LAMC3: variants seen among roughly 807,000 people sequenced by gnomAD.
LAMC3 encodes the protein laminin subunit gamma 3.
In LAMC3, 128 loss-of-function variants were observed where a neutral mutation model predicts 173.8. That is an observed-to-expected ratio of 0.74 (90% confidence interval 0.64 to 0.85). The LOEUF is 0.85. Ranked by LOEUF, LAMC3 falls within the 40% of genes least tolerant of loss-of-function variation. LAMC3 has a pLI of 0.00. For synonymous variants in LAMC3, 897 were observed against 909.1 expected, an observed-to-expected ratio of 0.99 and a Z score of 0.24; for missense variants, 2,022 against 2,156.0, an observed-to-expected ratio of 0.94 and a Z score of 1.23.
intron 15 of LAMC3, 44 bp from the exon 16 acceptor site, chr9:131,068,864 T>C (rs777110377): frequency 6.2e-7 from 1 of 1,611,072 alleles, no homozygotes. Context: ...GGGCCAGGAG[T>C]GGCCCTGAGC....
rs56228165 is a variant in LAMC3 at position 131,032,445 on chromosome 9, C to T, written c.809+270C>T. ...CCTGGAGGTTCCTTCCTTCCTCCCT[C>T]CCTCCCTCCCTTCCTCCCTTCGCTC... On this transcript the variant is annotated intron_variant, in intron 3 of 27. Transcript: ENST00000361069. 0.44 allele frequency among the ~76,000 whole-genome samples: 66,322 copies of T among 150,434 alleles called. 15,087 individuals are homozygous for T. Among genetic ancestry groups the T allele is most frequent in the East Asian group, 0.8 (4,079 of 5,070 alleles).
intron 1 of LAMC3, among the ~76,000 whole-genome samples, chr9:131,010,165 A>C (rs947958274): frequency 1.3e-5 from 2 of 150,714 alleles, no homozygotes. Context: ...AAAAAAAAAA[A>C]AAAAAAAAAA....
At chr9:131,054,040 G>C (rs1484358549) in intron 11 of LAMC3, among the ~76,000 whole-genome samples, 1 of 151,828 alleles carries the variant, frequency 6.6e-6, no homozygotes, top group Admixed American at 6.6e-5. Context: ...AAAACCCCTA[G>C]TGTATGTGTG....
intron 14 of LAMC3, among the ~76,000 whole-genome samples, chr9:131,067,415 G>A (rs1387010819): frequency 1.3e-5 from 2 of 152,134 alleles, no homozygotes; most frequent in African/African-American, 2.4e-5. Flanking sequence ...TCTTTCAGCC[G>A]GGAGATCTTA....
intron 27 of LAMC3, among the ~76,000 whole-genome samples, chr9:131,090,079 C>T (rs999018094): frequency 1.1e-4 from 16 of 152,082 alleles, no homozygotes; most frequent in African/African-American, 3.9e-4. Context: ...TTACGGGAGA[C>T]AGCCACCACA....
rs572329116 is a variant in LAMC3 at position 131,019,961 on chromosome 9, A to G, written c.374-6324A>G. On this transcript the variant is annotated intron_variant, in intron 1 of 27. Coordinates refer to ENST00000361069, the MANE Select transcript of LAMC3 (RefSeq NM_006059.4). Reference sequence around the variant, plus strand: ...TCCTCTCCAGCCAGCTGGAACATAAAGCCCATCAAGAATGACACCGGGACA... The same window carrying G: ...TCCTCTCCAGCCAGCTGGAACATAAGGCCCATCAAGAATGACACCGGGACA... Among the ~76,000 whole-genome samples, 3 of 152,208 alleles carry G rather than the reference A, an allele frequency of 2.0e-5. No individual in the cohort carries two copies. In the East Asian group the frequency reaches 5.8e-4, roughly 29 times the overall value.
At chr9:131,052,358 A>C in intron 9 of LAMC3, 133 bp from the exon 10 acceptor site, 1 of 827,344 alleles carries the variant, frequency 1.2e-6, no homozygotes, top group South Asian at 1.5e-5. Context: ...TCTGCTGTGC[A>C]GGAAGCTTTT....
rs186165710 is a variant in LAMC3 at position 131,065,631 on chromosome 9, G to A, written c.2348-1329G>A. Among the ~76,000 whole-genome samples, 7 of 152,310 alleles carry A rather than the reference G, an allele frequency of 4.6e-5. No individual in the cohort carries two copies. In the East Asian group the frequency reaches 9.6e-4, roughly 21 times the overall value. On this transcript the variant is annotated intron_variant, in intron 13 of 27. Transcript: ENST00000361069. ...GAGGTGATGATAAAGATAAGGTGAC[G>A]ATGACAGTTGTGCCAGTGCAGCGGG...
intron 13 of LAMC3, among the ~76,000 whole-genome samples, chr9:131,064,680 A>G (rs1366724481): frequency 6.6e-6 from 1 of 151,278 alleles, no homozygotes; most frequent in Non-Finnish European, 1.5e-5. Context: ...AAAAAAAAAA[A>G]GAAATGTACA....
At chr9:131,088,948 G>A (rs967351898) in intron 27 of LAMC3, among the ~76,000 whole-genome samples, 4 of 152,066 alleles carry the variant, frequency 2.6e-5, no homozygotes, top group African/African-American at 9.7e-5. Context: ...AGCCAGGCAT[G>A]GTGGCACATG....
chr9:131,050,328 G>A (rs987812709), intron 9 of LAMC3, among the ~76,000 whole-genome samples: 9 of 152,196 alleles, frequency 5.9e-5, no homozygotes, highest in African/African-American at 1.9e-4. Flanking sequence ...TGTTGCTTAC[G>A]GTGGGGACAC....
chr9:131,059,212 G>C (rs960672757), intron 12 of LAMC3, among the ~76,000 whole-genome samples: 5 of 138,346 alleles, frequency 3.6e-5, no homozygotes, highest in African/African-American at 8.2e-5. Flanking sequence ...ATAAAAAAAG[G>C]CCGGGCACGG....
At chr9:131,038,772 G>A in intron 4 of LAMC3, 92 bp from the exon 5 acceptor site, 1 of 1,312,982 alleles carries the variant, frequency 7.6e-7, no homozygotes, top group Non-Finnish European at 1.1e-6. Context: ...TGCACTGCCT[G>A]CTCATTTAGC....
At chr9:131,023,962 G>C (rs1386459112) in intron 1 of LAMC3, among the ~76,000 whole-genome samples, 1 of 151,568 alleles carries the variant, frequency 6.6e-6, no homozygotes, top group East Asian at 1.9e-4. Context: ...CTCCCACTCT[G>C]TGGGTTGCCT....
At chr9:131,068,451 G>A (rs1374590384) in intron 15 of LAMC3, among the ~76,000 whole-genome samples, 2 of 152,202 alleles carry the variant, frequency 1.3e-5, no homozygotes, top group Non-Finnish European at 2.9e-5. Flanking sequence ...CCTAAAGGGT[G>A]TCCAGGCAGG....
At chr9:131,055,790 A>G (rs1037358712) in intron 11 of LAMC3, among the ~76,000 whole-genome samples, 7 of 152,072 alleles carry the variant, frequency 4.6e-5, no homozygotes, top group African/African-American at 1.7e-4. Context: ...TGATCTAAAT[A>G]CAAGATGTTC....
At chr9:131,059,179 G>C (rs1454253731) in intron 12 of LAMC3, among the ~76,000 whole-genome samples, 1 of 150,996 alleles carries the variant, frequency 6.6e-6, no homozygotes, top group African/African-American at 2.4e-5. Context: ...CTGGGCGACA[G>C]AGTAAGACTC....
Position 131,093,179 on chromosome 9 carries a change from A to T in LAMC3, c.*1392A>T, listed in dbSNP as rs962745437. 2 of 152,388 alleles carry T rather than the reference A, an allele frequency of 1.3e-5. No individual in the cohort carries two copies. Among genetic ancestry groups the T allele is most frequent in the Non-Finnish European group, 2.9e-5 (2 of 68,176 alleles). 9.4% of individuals were successfully genotyped at this position (152,388 alleles called of 1,614,324 possible). ...GACCGGACGTTGGTAGGAAGGTGGC[A>T]AAAGCCGAGCTCGTGGCTGGGCCAG... On this transcript the variant is annotated 3_prime_UTR_variant, in exon 28 of 28. Transcript: ENST00000361069.
intron 25 of LAMC3, chr9:131,085,949 G>C: frequency 1.6e-6 from 1 of 610,510 alleles, no homozygotes; most frequent in South Asian, 1.9e-5. Flanking sequence ...GGTGCAGCCA[G>C]CTTCATGAAC....
Sources: gnomAD v4.1 joint callset for allele counts (sites outside exome capture counted in the v4.1 genomes callset) on GRCh38, gnomAD v4.1.1 for gene constraint, MANE v1.5 for transcripts, NCBI Gene and HGNC (gene_info 2026-07-23, HGNC 2026-07-21) for gene names.